Variants in VOPP1 observed in about 807,000 individuals in gnomAD.
The protein encoded by VOPP1 is VOPP1 WW domain binding protein.
In VOPP1, 8 loss-of-function variants were observed where a neutral mutation model predicts 23.5. The ratio of observed to expected loss-of-function variants is 0.34; its 90% CI spans 0.20 to 0.61. The LOEUF (loss-of-function observed/expected upper bound fraction) is 0.61, where lower values mean the gene tolerates loss of function less well. Ranked by LOEUF, VOPP1 falls within the 20% of genes least tolerant of loss-of-function variation. VOPP1 has a pLI of 0.78. For missense variants in VOPP1, 174 were observed against 238.1 expected, an observed-to-expected ratio of 0.73 and a Z score of 1.77; for synonymous variants, 83 against 97.3, an observed-to-expected ratio of 0.85 and a Z score of 0.86.
intron 2 of VOPP1, among the ~76,000 whole-genome samples, chr7:55,502,901 C>T (rs1794466232): frequency 6.6e-6 from 1 of 152,206 alleles, no homozygotes; most frequent in South Asian, 2.1e-4. Flanking sequence ...TATAAACTGT[C>T]AGACTTGCCA....
At chr7:55,506,573 G>A (rs1394259157) in intron 2 of VOPP1, among the ~76,000 whole-genome samples, 1 of 152,036 alleles carries the variant, frequency 6.6e-6, no homozygotes, top group Non-Finnish European at 1.5e-5. Context: ...CTGACCTCAG[G>A]TGATCCGCCT....
At chr7:55,539,844 A>G (rs1797032358) in intron 1 of VOPP1, among the ~76,000 whole-genome samples, 1 of 152,000 alleles carries the variant, frequency 6.6e-6, no homozygotes, top group African/African-American at 2.4e-5. Context: ...ATACACACAT[A>G]CACGCATATT....
intron 3 of VOPP1, among the ~76,000 whole-genome samples, chr7:55,497,062 A>G (rs146580124): frequency 1.0e-3 from 157 of 152,268 alleles, no homozygotes; most frequent in African/African-American, 3.5e-3. Flanking sequence ...GGCTCCCCCC[A>G]TGGAATGTGC....
intron 1 of VOPP1, among the ~76,000 whole-genome samples, chr7:55,568,772 T>C (rs1798248993): frequency 6.6e-6 from 1 of 152,060 alleles, no homozygotes; most frequent in African/African-American, 2.4e-5. Context: ...TCAACTGAAG[T>C]GTAGTCAGTT....
intron 4 of VOPP1, among the ~76,000 whole-genome samples, chr7:55,464,036 C>T (rs1445170142): frequency 6.6e-6 from 1 of 152,156 alleles, no homozygotes; most frequent in African/African-American, 2.4e-5. Flanking sequence ...GCAGTATAGA[C>T]CTATCCTCAG....
At chr7:55,547,770 G>A (rs1374876225) in intron 1 of VOPP1, among the ~76,000 whole-genome samples, 2 of 152,110 alleles carry the variant, frequency 1.3e-5, no homozygotes, top group Admixed American at 1.3e-4. Context: ...CCTGAGTGGT[G>A]CCTGGTTCCC....
chr7:55,562,942 C>T (rs749743515), intron 1 of VOPP1, among the ~76,000 whole-genome samples: 1 of 152,214 alleles, frequency 6.6e-6, no homozygotes, highest in African/African-American at 2.4e-5. Flanking sequence ...CTGGGCACAT[C>T]ACTCGGAAGT....
chr7:55,550,482 T>C (rs960307622), intron 1 of VOPP1, among the ~76,000 whole-genome samples: 1 of 152,228 alleles, frequency 6.6e-6, no homozygotes, highest in Non-Finnish European at 1.5e-5. Context: ...AGTCTGGAAA[T>C]ATATATCAGA....
At position 55,464,307 on chromosome 7, in the gene VOPP1, T is replaced by G. The variant is rs1055898242; in HGVS notation, n.417+27975A>C. 2.6e-5 allele frequency among the ~76,000 whole-genome samples: 4 copies of G among 152,084 alleles called. No individual in the cohort carries two copies. The East Asian group carries it at 7.7e-4, about 29-fold the overall frequency. On this transcript the variant is annotated intron_variant and non_coding_transcript_variant, in intron 4 of 4. Coordinates refer to the VOPP1 transcript ENST00000462326. ...TGATGGTGCATGCACTTGCCAGCTG[T>G]GGTGGGCAGGGCAGGTTGATCCTCA...
chr7:55,521,063 A>C lies in VOPP1; in HGVS notation c.113+9T>G, dbSNP rs768729472. Reference sequence around the variant, plus strand: ...CAGAATGAAACCACAGAAAGGTGCAAATACTTACATATAATAGGTTGGATA... The same window carrying C: ...CAGAATGAAACCACAGAAAGGTGCACATACTTACATATAATAGGTTGGATA... On this transcript the variant is annotated intron_variant, in intron 2 of 4. Coordinates refer to ENST00000285279, the MANE Select transcript of VOPP1 (RefSeq NM_030796.5). 1.1e-5 allele frequency: 17 copies of C among 1,570,168 alleles called. 2 individuals carry two copies. In the South Asian group the frequency reaches 2.0e-4, roughly 18 times the overall value.
intron 4 of VOPP1, among the ~76,000 whole-genome samples, chr7:55,460,513 CT>C (rs1791472628): frequency 6.6e-6 from 1 of 152,184 alleles, no homozygotes; most frequent in Non-Finnish European, 1.5e-5. Flanking sequence ...AAGTCCCCAA[CT>C]ATTATTGTAT....
downstream of VOPP1, among the ~76,000 whole-genome samples, chr7:55,467,447 T>G (rs79803388): frequency 2.0e-5 from 3 of 152,332 alleles, no homozygotes; most frequent in African/African-American, 7.2e-5. Flanking sequence ...ATGCGGAGCC[T>G]CTCTGAGAAA....
At chr7:55,450,427 C>A (rs532976176) in intron 4 of VOPP1, among the ~76,000 whole-genome samples, 1 of 152,128 alleles carries the variant, frequency 6.6e-6, no homozygotes, top group Non-Finnish European at 1.5e-5. Context: ...ACCAGCGCTA[C>A]CAGCTCTTAT....
downstream of VOPP1, among the ~76,000 whole-genome samples, chr7:55,467,836 A>G (rs1390838665): frequency 6.6e-6 from 1 of 152,248 alleles, no homozygotes; most frequent in East Asian, 1.9e-4. Flanking sequence ...ATTAGTATCC[A>G]TCAAACCTGT....
intron 4 of VOPP1, among the ~76,000 whole-genome samples, chr7:55,447,438 C>T (rs1241521418): frequency 6.6e-6 from 1 of 152,128 alleles, no homozygotes; most frequent in Non-Finnish European, 1.5e-5. Flanking sequence ...CTGGTTCAAA[C>T]ACTTAAACAA....
chr7:55,515,841 C>T (rs1275269715), intron 2 of VOPP1: 2 of 404,560 alleles, frequency 4.9e-6, no homozygotes, highest in Non-Finnish European at 6.7e-6. Context: ...CTCTGACAAA[C>T]GCCACCTTAG....
chr7:55,494,144 G>A (rs1165466122), intron 3 of VOPP1, among the ~76,000 whole-genome samples: 1 of 152,194 alleles, frequency 6.6e-6, no homozygotes, highest in Non-Finnish European at 1.5e-5. Context: ...AAACCGTTCA[G>A]GAGTGTGGTG....
intron 1 of VOPP1, among the ~76,000 whole-genome samples, chr7:55,564,545 C>A (rs1457487172): frequency 6.6e-6 from 1 of 152,120 alleles, no homozygotes. Context: ...AATTAAGAGC[C>A]AACTATGATC....
intron 1 of VOPP1, chr7:55,537,485 C>A: frequency 6.5e-7 from 1 of 1,536,130 alleles, no homozygotes; most frequent in East Asian, 2.4e-5. Context: ...AACTGAACCA[C>A]CAGCCGAGCA....
Sources: gnomAD v4.1 joint callset for allele counts (sites outside exome capture counted in the v4.1 genomes callset) on GRCh38, gnomAD v4.1.1 for gene constraint, MANE v1.5 for transcripts, NCBI Gene and HGNC (gene_info 2026-07-23, HGNC 2026-07-21) for gene names.